Variants in KHDRBS2 observed in about 807,000 individuals in gnomAD.
KHDRBS2 encodes KH RNA binding domain containing, signal transduction associated 2.
A neutral mutation model predicts 44.3 loss-of-function variants in KHDRBS2; 26 were observed. The observed-to-expected ratio is 0.59, with a 90% CI of 0.43 to 0.81. KHDRBS2 has a LOEUF of 0.81. KHDRBS2 is among the 40% of genes least tolerant of loss of function. The pLI, the probability that KHDRBS2 is intolerant of heterozygous loss-of-function variation, is 0.00. For missense variants in KHDRBS2, 476 were observed against 433.1 expected (o/e 1.10, Z -0.88); for synonymous variants, 194 against 151.1 (o/e 1.28, Z -2.08).
At chr6:61,763,900 G>A (rs1401828090) in intron 6 of KHDRBS2, among the ~76,000 whole-genome samples, 1 of 152,138 alleles carries the variant, frequency 6.6e-6, no homozygotes, top group Admixed American at 6.5e-5. Flanking sequence ...TGCCATGGTG[G>A]TTTGCTGCAC....
At chr6:61,998,420 AT>A (rs1404040259) in intron 3 of KHDRBS2, among the ~76,000 whole-genome samples, 2 of 152,094 alleles carry the variant, frequency 1.3e-5, no homozygotes, top group African/African-American at 4.8e-5. Context: ...GCAAAATGAG[AT>A]TTTCATTTTG....
the KHDRBS2 span, among the ~76,000 whole-genome samples, chr6:61,594,639 T>C: frequency 1.6e-4 from 24 of 152,114 alleles, no homozygotes; most frequent in Non-Finnish European, 2.1e-4. Context: ...TCATACAATT[T>C]TGGAACACAT....
intron 7 of KHDRBS2, among the ~76,000 whole-genome samples, chr6:61,698,407 G>A (rs1049470093): frequency 6.6e-6 from 1 of 152,046 alleles, no homozygotes; most frequent in African/African-American, 2.4e-5. Flanking sequence ...ACTTCGAATT[G>A]CAAAATATAT....
At chr6:61,831,986 A>T (rs1791901674) in intron 6 of KHDRBS2, among the ~76,000 whole-genome samples, 1 of 152,180 alleles carries the variant, frequency 6.6e-6, no homozygotes, top group South Asian at 2.1e-4. Flanking sequence ...CATGCCTGTA[A>T]TCCCAGAATT....
intron 7 of KHDRBS2, among the ~76,000 whole-genome samples, chr6:61,716,748 G>T (rs9450424): frequency 0.029 from 4,473 of 151,822 alleles, 223 homozygotes; most frequent in African/African-American, 0.1. Flanking sequence ...AAACTTTTTT[G>T]TGTGTGTGTG....
At chr6:61,589,131 C>T in the KHDRBS2 span, among the ~76,000 whole-genome samples, 3,718 of 152,094 alleles carry the variant, frequency 0.024, 70 homozygotes, top group Middle Eastern at 0.085. Context: ...GCATGCAGGA[C>T]ATAAAATATA....
chr6:61,843,119 C>A (rs483691), intron 6 of KHDRBS2, among the ~76,000 whole-genome samples: 22,021 of 151,686 alleles, frequency 0.15, 2,231 homozygotes, highest in South Asian at 0.26. Flanking sequence ...TATGAAATGT[C>A]CAGAATAGGC....
At position 61,801,483 on chromosome 6, in the gene KHDRBS2, A is replaced by G. The variant is rs193277451; in HGVS notation, c.811-68719T>C. 8.0e-4 allele frequency among the ~76,000 whole-genome samples: 122 copies of G among 152,298 alleles called. 1 individual carries two copies. Among genetic ancestry groups the G allele is most frequent in the African/African-American group, 2.8e-3 (117 of 41,570 alleles). ...GTGCATTGGATTTGTATCTGCTTCC[A>G]TATATCTCTACTTAAACTGATAATT... On this transcript the variant is annotated intron_variant, in intron 6 of 8. Coordinates refer to ENST00000281156, the MANE Select transcript of KHDRBS2 (RefSeq NM_152688.4).
intron 2 of KHDRBS2, among the ~76,000 whole-genome samples, chr6:62,109,366 T>G (rs892716529): frequency 6.6e-6 from 1 of 151,930 alleles, no homozygotes; most frequent in Non-Finnish European, 1.5e-5. Context: ...CAAGAGCATC[T>G]TCAAAAATTC....
At chr6:61,578,696 T>G in the KHDRBS2 span, among the ~76,000 whole-genome samples, 1 of 152,200 alleles carries the variant, frequency 6.6e-6, no homozygotes. Context: ...TAAAGTTATC[T>G]TTTTACAGAT....
the KHDRBS2 span, among the ~76,000 whole-genome samples, chr6:61,670,954 A>G: frequency 2.6e-5 from 4 of 151,664 alleles, no homozygotes; most frequent in African/African-American, 9.7e-5. Flanking sequence ...TCTCCCACAT[A>G]GCTGTCAATT....
At chr6:62,271,068 C>A (rs552744690) in intron 1 of KHDRBS2, among the ~76,000 whole-genome samples, 1 of 152,172 alleles carries the variant, frequency 6.6e-6, no homozygotes, top group South Asian at 2.1e-4. Flanking sequence ...CATATACACA[C>A]ACAAATTATA....
chr6:62,153,277 T>C (rs1477667078), intron 2 of KHDRBS2, among the ~76,000 whole-genome samples: 1 of 152,188 alleles, frequency 6.6e-6, no homozygotes, highest in Non-Finnish European at 1.5e-5. Context: ...ACAACTCTAA[T>C]GCTGAGCAAA....
At chr6:62,008,135 T>G (rs532476917) in intron 3 of KHDRBS2, among the ~76,000 whole-genome samples, 1 of 152,266 alleles carries the variant, frequency 6.6e-6, no homozygotes, top group South Asian at 2.1e-4. Context: ...ATCACAAAAG[T>G]TCTCATTAAG....
intron 2 of KHDRBS2, among the ~76,000 whole-genome samples, chr6:62,063,627 T>C (rs1792678583): frequency 1.3e-5 from 2 of 150,918 alleles, no homozygotes; most frequent in South Asian, 4.2e-4. Context: ...ATGGGATGTA[T>C]TTCAAAATAA....
chr6:61,782,326 CAACCA>C (rs1313750221), intron 6 of KHDRBS2, among the ~76,000 whole-genome samples: 3 of 152,064 alleles, frequency 2.0e-5, no homozygotes, highest in Non-Finnish European at 4.4e-5. Context: ...GGTTTAAGAT[CAACCA>C]ACTCATTCGA....
intron 6 of KHDRBS2, among the ~76,000 whole-genome samples, chr6:61,746,830 T>C (rs1352503325): frequency 6.6e-6 from 1 of 152,066 alleles, no homozygotes; most frequent in Non-Finnish European, 1.5e-5. Context: ...AAAGACTTCA[T>C]GACTAAAACA....
the KHDRBS2 span, among the ~76,000 whole-genome samples, chr6:61,633,333 A>G: frequency 2.0e-5 from 3 of 152,070 alleles, no homozygotes; most frequent in Non-Finnish European, 4.4e-5. Flanking sequence ...TATTTGATGA[A>G]CTTATTTTAA....
chr6:62,028,274 T>C (rs960675162), intron 3 of KHDRBS2, among the ~76,000 whole-genome samples: 2 of 152,112 alleles, frequency 1.3e-5, no homozygotes, highest in African/African-American at 4.8e-5. Flanking sequence ...ATATTTTATT[T>C]GTAAAAACAC....
Sources: gnomAD v4.1 joint callset for allele counts (sites outside exome capture counted in the v4.1 genomes callset) on GRCh38, gnomAD v4.1.1 for gene constraint, MANE v1.5 for transcripts, NCBI Gene and HGNC (gene_info 2026-07-23, HGNC 2026-07-21) for gene names.